The following MICU2 variants were observed in gnomAD, a reference collection of about 807,000 sequenced individuals.
MICU2 encodes mitochondrial calcium uptake 2, also known as calcium uptake protein 2, mitochondrial.
In MICU2, 64 loss-of-function variants were observed where a neutral mutation model predicts 60.4. The ratio of observed to expected loss-of-function variants is 1.06; its 90% CI spans 0.87 to 1.31. The LOEUF (loss-of-function observed/expected upper bound fraction) is 1.31. Ranked by LOEUF, MICU2 falls within the 50% of genes most tolerant of loss-of-function variation. The probability of loss-of-function intolerance (pLI) is 0.00; values close to 1 mark genes in which losing one functional copy is unlikely to be tolerated. For missense variants in MICU2, 569 were observed against 531.0 expected, an observed-to-expected ratio of 1.07 and a Z score of -0.70; for synonymous variants, 201 against 175.0, an observed-to-expected ratio of 1.15 and a Z score of -1.17.
chr13:21,517,998 T>G (rs1256353708), intron 6 of MICU2, among the ~76,000 whole-genome samples: 2 of 152,176 alleles, frequency 1.3e-5, no homozygotes, highest in Non-Finnish European at 2.9e-5. Flanking sequence ...CAAAGAACCT[T>G]CTTTCATGTT....
At chr13:21,505,647 G>C (rs1281999884) in intron 8 of MICU2, among the ~76,000 whole-genome samples, 1 of 152,084 alleles carries the variant, frequency 6.6e-6, no homozygotes. Context: ...TTTGATCCGT[G>C]GTAGTATCTA....
intron 8 of MICU2, among the ~76,000 whole-genome samples, chr13:21,503,916 T>G (rs1886236901): frequency 6.6e-6 from 1 of 152,112 alleles, no homozygotes; most frequent in South Asian, 2.1e-4. Context: ...AAAATATACA[T>G]GGGGTGATAG....
At chr13:21,519,164 C>G (rs1333812668) in intron 6 of MICU2, among the ~76,000 whole-genome samples, 3 of 152,334 alleles carry the variant, frequency 2.0e-5, no homozygotes, top group Non-Finnish European at 4.4e-5. Context: ...TCAAACGATT[C>G]TCCTGTCTCA....
intron 4 of MICU2, among the ~76,000 whole-genome samples, chr13:21,529,189 T>C (rs1247969891): frequency 6.6e-6 from 1 of 152,144 alleles, no homozygotes; most frequent in Non-Finnish European, 1.5e-5. Context: ...AGACTTTGTG[T>C]TTGATTGAAT....
At chr13:21,573,692 G>A (rs1445739953) in intron 1 of MICU2, among the ~76,000 whole-genome samples, 1 of 151,602 alleles carries the variant, frequency 6.6e-6, no homozygotes, top group Non-Finnish European at 1.5e-5. Context: ...TGCCTTGACC[G>A]CTGCATTCAA....
At chr13:21,603,906 G>C (rs61447777) in intron 1 of MICU2, 33 bp downstream of exon 1, 1 of 1,606,118 alleles carries the variant, frequency 6.2e-7, no homozygotes, top group Non-Finnish European at 8.5e-7. Flanking sequence ...GGAGGAGCTT[G>C]ACTGGGGCTA....
At chr13:21,499,970 G>A (rs1283919933) in intron 9 of MICU2, among the ~76,000 whole-genome samples, 2 of 152,096 alleles carry the variant, frequency 1.3e-5, no homozygotes, top group East Asian at 3.9e-4. Flanking sequence ...TGTTCCTCAG[G>A]AGCACAGGAC....
chr13:21,521,697 A>C (rs1022004802), intron 5 of MICU2, among the ~76,000 whole-genome samples: 2 of 152,210 alleles, frequency 1.3e-5, no homozygotes, highest in East Asian at 1.9e-4. Context: ...CAGAGTACTT[A>C]AACAACAACA....
chr13:21,521,350 T>C (rs1395468982), intron 5 of MICU2, 23 bp from the exon 6 acceptor site: 1 of 1,583,884 alleles, frequency 6.3e-7, no homozygotes, highest in South Asian at 1.2e-5. Context: ...GAAAAATGAA[T>C]ATTTAAATGT....
chr13:21,551,115 C>G (rs1887551182), intron 2 of MICU2, among the ~76,000 whole-genome samples: 1 of 152,220 alleles, frequency 6.6e-6, no homozygotes. Flanking sequence ...ACCACCAGAA[C>G]TGTTCCCTTG....
At chr13:21,563,049 A>G (rs1593346394) in intron 2 of MICU2, among the ~76,000 whole-genome samples, 1 of 152,058 alleles carries the variant, frequency 6.6e-6, no homozygotes, top group Admixed American at 6.6e-5. Context: ...AATTTTATCC[A>G]CCCTCTTCTT....
At chr13:21,579,843 T>C (rs1304303113) in intron 1 of MICU2, among the ~76,000 whole-genome samples, 1 of 152,222 alleles carries the variant, frequency 6.6e-6, no homozygotes, top group Non-Finnish European at 1.5e-5. Context: ...ATGCTCTCAG[T>C]AATTTCTGAG....
chr13:21,526,963 A>G (rs1159138081), intron 4 of MICU2, among the ~76,000 whole-genome samples: 4 of 152,236 alleles, frequency 2.6e-5, no homozygotes, highest in African/African-American at 9.6e-5. Context: ...AAGGTAGTTC[A>G]GAGCAAGGAA....
intron 2 of MICU2, among the ~76,000 whole-genome samples, chr13:21,546,581 T>C (rs933129024): frequency 1.1e-4 from 17 of 152,164 alleles, no homozygotes; most frequent in African/African-American, 3.9e-4. Context: ...TAGGACCAGA[T>C]GGCAGGTCCT....
At chr13:21,570,273 T>A (rs886996985) in intron 1 of MICU2, among the ~76,000 whole-genome samples, 4 of 152,080 alleles carry the variant, frequency 2.6e-5, no homozygotes, top group African/African-American at 9.6e-5. Context: ...ATAGTTTTTT[T>A]AGGTCATCTT....
intron 2 of MICU2, among the ~76,000 whole-genome samples, chr13:21,555,854 A>G (rs1187841839): frequency 6.6e-6 from 1 of 152,162 alleles, no homozygotes; most frequent in African/African-American, 2.4e-5. Flanking sequence ...TGTGGTGTGC[A>G]TGCCTTTTCT....
At chr13:21,524,058 T>TA (rs1158956639) in intron 4 of MICU2, among the ~76,000 whole-genome samples, 6 of 152,168 alleles carry the variant, frequency 3.9e-5, no homozygotes, top group Non-Finnish European at 7.3e-5. Context: ...TTGTGTCAGG[T>TA]TTTAGGCTGC....
chr13:21,562,259 T>C (rs1416399857), intron 2 of MICU2, among the ~76,000 whole-genome samples: 2 of 152,154 alleles, frequency 1.3e-5, no homozygotes, highest in African/African-American at 2.4e-5. Flanking sequence ...ATGGTATTTC[T>C]AGTTCTAGAT....
intron 1 of MICU2, among the ~76,000 whole-genome samples, chr13:21,598,297 G>C (rs1309511204): frequency 6.6e-6 from 1 of 152,144 alleles, no homozygotes. Flanking sequence ...CAATTAACGA[G>C]TGAACAATAA....
Sources: gnomAD v4.1 joint callset for allele counts (sites outside exome capture counted in the v4.1 genomes callset) on GRCh38, gnomAD v4.1.1 for gene constraint, MANE v1.5 for transcripts, NCBI Gene and HGNC (gene_info 2026-07-23, HGNC 2026-07-21) for gene names.